The following LRCH4 variants were observed in gnomAD, a reference collection of about 807,000 sequenced individuals.
The protein encoded by LRCH4 is leucine-rich repeat and calponin homology domain-containing protein 4.
In LRCH4, 56 loss-of-function variants were observed where a neutral mutation model predicts 81.2. That is an observed-to-expected ratio of 0.69 (90% CI 0.56 to 0.86). The LOEUF (loss-of-function observed/expected upper bound fraction) is 0.86. Among genes scored for constraint, LRCH4 ranks in the 40% least tolerant of loss-of-function variants. The pLI, the probability that LRCH4 is intolerant of heterozygous loss-of-function variation, is 0.00. For missense variants in LRCH4, 895 were observed against 922.8 expected (o/e 0.97, Z 0.39); for synonymous variants, 442 against 409.7 (o/e 1.08, Z -0.95).
In LRCH4 at chr7:100,578,713, G is replaced by C; in HGVS notation, c.672C>G (p.Cys224Trp). 2 of 1,614,190 alleles carry C rather than the reference G, an allele frequency of 1.2e-6. No individual in the cohort carries two copies. Among genetic ancestry groups the C allele is most frequent in the South Asian group, 2.2e-5 (2 of 91,088 alleles). ...GAATGACCTGCAGGTGCCTCAGGCG[G>C]CAGAAGGAGACTGGGATTCGGGAGA... is the stretch of plus-strand genomic sequence containing the variant. ...NRVSRIPVSF[C>W]RLRHLQVILL... The change falls in exon 5 of 18, where the codon TGC (cysteine) becomes TGG (tryptophan). Residue 224 changes from cysteine (C) to tryptophan (W), a missense_variant. Cys to Trp is a radical substitution (Grantham distance 215). Around this residue, in one of 3 missense-constraint regions of LRCH4, gnomAD observed 360 missense variants for 397.0 expected, o/e 0.91. Coordinates refer to ENST00000310300, the MANE Select transcript of LRCH4 (RefSeq NM_002319.5). The surrounding 1 kb of genome is among the most constrained non-coding windows in gnomAD (Gnocchi z 5.7).
At position 100,577,323 on chromosome 7, in the gene LRCH4, T is replaced by G; in HGVS notation, c.1245A>C (p.Glu415Asp). 6.3e-7 allele frequency: 1 copy of G among 1,598,390 alleles called. No individual in the cohort carries two copies. The highest frequency in any genetic ancestry group is 8.5e-7 in the Non-Finnish European group (1 of 1,178,778). ...CCCCGCTCTGCTGCTGCTGCCGCCG[T>G]TCCCGCTCCTGCCACAGCTGCAAGG... Reference protein sequence around the residue: ...PDTLQLWQERERRQQQQSGAW... With the variant: ...PDTLQLWQERDRRQQQQSGAW... The change falls in exon 11 of 18, where the codon GAA becomes GAC. Residue 415 changes from glutamate (E) to aspartate (D), a missense_variant. This residue lies in a region of LRCH4 where 529 missense variants were observed against 504.9 expected (regional missense o/e 1.05). Transcript: ENST00000310300. The surrounding 1 kb of genome is among the most constrained non-coding windows in gnomAD (Gnocchi z 6.7).
Position 100,577,314 on chromosome 7 carries a change from C to T in LRCH4, c.1254G>A (p.Gln418=). 6.3e-7 allele frequency: 1 copy of T among 1,596,820 alleles called. No homozygotes were observed. The highest frequency in any genetic ancestry group is 8.5e-7 in the Non-Finnish European group (1 of 1,178,028). The change falls in exon 11 of 18, where the codon CAG becomes CAA. Residue 418 remains glutamine (Q), a synonymous_variant. Transcript: ENST00000310300. This position sits in a 1 kb window ranked among gnomAD's most constrained non-coding sequence, Gnocchi z 6.7. ...LQLWQERERR[Q]QQQSGAWGAP... ...CCCCCCACGCCCCGCTCTGCTGCTG[C>T]TGCCGCCGTTCCCGCTCCTGCCACA... is the stretch of plus-strand genomic sequence containing the variant.
intron 1 of LRCH4, 134 bp downstream of exon 1, chr7:100,585,747 T>C (rs2131241440): frequency 1.1e-6 from 1 of 903,854 alleles, no homozygotes; most frequent in East Asian, 3.1e-5. Context: ...GGCTGCAGGT[T>C]TAGGGCAATC....
At chr7:100,576,030 A>G (rs747474694) in intron 15 of LRCH4, 22 bp from the exon 16 acceptor site, 10 of 1,591,146 alleles carry the variant, frequency 6.3e-6, no homozygotes, top group South Asian at 1.1e-5. Context: ...GACCACATAG[A>G]GCAGGGGTCA....
chr7:100,578,806 GA>G lies in LRCH4; in HGVS notation c.599-21del, dbSNP rs1351479674. On this transcript the variant is annotated intron_variant, in intron 4 of 17. Transcript: ENST00000310300. This position sits in a 1 kb window ranked among gnomAD's most constrained non-coding sequence, Gnocchi z 5.7. ...CCAGCTCTGGAACAGGTGGGCAAGGGAAAAGTCAGGAACATGCTCAGGGCTG... is the reference window on the plus strand; with the variant it reads ...CCAGCTCTGGAACAGGTGGGCAAGGGAAAGTCAGGAACATGCTCAGGGCTG... 1 of 1,610,320 alleles carries G rather than the reference GA, an allele frequency of 6.2e-7. No individual in the cohort carries two copies. Among genetic ancestry groups the G allele is most frequent in the South Asian group, 1.1e-5 (1 of 90,708 alleles).
rs1271423046 is a variant in LRCH4, at chr7:100,582,252, A to G, written c.365+63T>C. On this transcript the variant is annotated intron_variant, in intron 2 of 17. Transcript: ENST00000310300. The surrounding 1 kb of genome is among the most constrained non-coding windows in gnomAD (Gnocchi z 5.0). ...TCCTCTCGGGGTCACTGGGTGGGTCACTCAGTAGTACTTGAGACTGAGAAG... is the reference window on the plus strand; with the variant it reads ...TCCTCTCGGGGTCACTGGGTGGGTCGCTCAGTAGTACTTGAGACTGAGAAG... 77 of 1,613,236 alleles carry G rather than the reference A, an allele frequency of 4.8e-5. No homozygotes were observed. The highest frequency in any genetic ancestry group is 6.4e-5 in the Non-Finnish European group (75 of 1,179,726).
rs753391858 is a variant in LRCH4 at position 100,575,792 on chromosome 7, G to A, written c.1777-10C>T. On this transcript the variant is annotated splice_polypyrimidine_tract_variant and intron_variant, in intron 16 of 17. Coordinates refer to ENST00000310300, the MANE Select transcript of LRCH4 (RefSeq NM_002319.5). The surrounding 1 kb of genome is among the most constrained non-coding windows in gnomAD (Gnocchi z 5.3). ...GGGCACTGAGTTTTGGCTGGGGTGGGTGAAAGAAGAAAATGTGGTAAGGGA... is the reference window on the plus strand; with the variant it reads ...GGGCACTGAGTTTTGGCTGGGGTGGATGAAAGAAGAAAATGTGGTAAGGGA... 10 of 1,607,556 alleles carry A rather than the reference G, an allele frequency of 6.2e-6. No homozygotes were observed. The highest frequency in any genetic ancestry group is 7.7e-6 in the Non-Finnish European group (9 of 1,175,078).
Position 100,577,044 on chromosome 7 carries a change from A to G in LRCH4, c.1365-39T>C, listed in dbSNP as rs1385422369. 5.6e-6 allele frequency: 9 copies of G among 1,614,038 alleles called. No individual in the cohort carries two copies. The South Asian group carries it at 8.8e-5, about 16-fold the overall frequency. ...GAAGGGAATTAGAGGGATGATGGTC[A>G]TAGGAAGAGGAGTGGGGAGGGGATG... On this transcript the variant is annotated intron_variant, in intron 12 of 17. Transcript: ENST00000310300. The surrounding 1 kb of genome is among the most constrained non-coding windows in gnomAD (Gnocchi z 6.7).
chr7:100,581,645 G>A, intron 4 of LRCH4, 132 bp downstream of exon 4: 1 of 742,054 alleles, frequency 1.3e-6, no homozygotes, highest in South Asian at 1.9e-5. Context: ...CTGAACTTCA[G>A]CTTCCAGAAC....
In LRCH4 at chr7:100,582,479, G is replaced by A. The variant is rs1317776223; in HGVS notation, c.221-20C>T. 1.2e-5 allele frequency: 19 copies of A among 1,600,264 alleles called. No individual in the cohort carries two copies. The highest frequency in any genetic ancestry group is 2.2e-5 in the East Asian group (1 of 44,826). The stretch of plus-strand genomic sequence containing the variant: ...ACAGGTCTGGGGAAAAGGAGGTGTC[G>A]GGGAGAGTTGCGGAAAGGCCCAGCC... On this transcript the variant is annotated intron_variant, in intron 1 of 17. Coordinates refer to ENST00000310300, the MANE Select transcript of LRCH4 (RefSeq NM_002319.5). The surrounding 1 kb of genome is among the most constrained non-coding windows in gnomAD (Gnocchi z 5.0).
At chr7:100,580,366 C>T (rs1024146448) in intron 4 of LRCH4, 3 of 151,744 alleles carry the variant, frequency 2.0e-5, no homozygotes, top group South Asian at 2.1e-4. Flanking sequence ...TCACATCACC[C>T]GCATCTACCT....
At position 100,574,632 on chromosome 7, in the gene LRCH4, G is replaced by GCA. The variant is rs1554348415; in HGVS notation, c.*473_*474dup. The GCA allele has an allele frequency of 8.5e-3, 1,291 of 152,104 alleles. 9 individuals are homozygous for GCA. The highest frequency in any genetic ancestry group is 0.019 in the South Asian group (98 of 5,084). The allele number at this position is 152,104 out of a possible 1,614,324, so 9.4% of individuals were successfully genotyped here. On this transcript the variant is annotated 3_prime_UTR_variant, in exon 18 of 18. Coordinates refer to ENST00000310300, the MANE Select transcript of LRCH4 (RefSeq NM_002319.5). ...ACGCGGAGCAGACGCGCGCGCGCGC[G>GCA]CACACACACACACACAGGCAGGGCG...
At chr7:100,576,419 C>A in intron 14 of LRCH4, 96 bp from the exon 15 acceptor site, 1 of 836,442 alleles carries the variant, frequency 1.2e-6, no homozygotes, top group Non-Finnish European at 1.9e-6. Flanking sequence ...TCCTGCCTCT[C>A]TGCTTGTGGG....
In LRCH4 at chr7:100,576,675, G is replaced by A. The variant is rs1801370814; in HGVS notation, c.1552+19C>T. On this transcript the variant is annotated intron_variant, in intron 14 of 17. Coordinates refer to ENST00000310300, the MANE Select transcript of LRCH4 (RefSeq NM_002319.5). ...GCTGGCAAGCACTGGGTCAGCACTG[G>A]GGAGGGCAGGACACCCACCTGAGCC... 1.9e-6 allele frequency: 3 copies of A among 1,573,984 alleles called. No individual in the cohort carries two copies. The highest frequency in any genetic ancestry group is 1.2e-5 in the South Asian group (1 of 86,128).
rs1801434616 is a variant in LRCH4 at position 100,578,323 on chromosome 7, G to C, written c.849-65C>G. 3 of 1,597,188 alleles carry C rather than the reference G, an allele frequency of 1.9e-6. No individual in the cohort carries two copies. In the South Asian group the frequency reaches 3.3e-5, roughly 18 times the overall value. ...ACAACAGCCCCCCATCCTCCTGCCA[G>C]AAAGCAGGGGGTGCCTGGGGCCGGG... On this transcript the variant is annotated intron_variant, in intron 6 of 17. Transcript: ENST00000310300. The surrounding 1 kb of genome is among the most constrained non-coding windows in gnomAD (Gnocchi z 5.7).
chr7:100,585,868 C>T lies in LRCH4; in HGVS notation c.220+13G>A. ...GAGGGACCCGGTTGGGCCCGGGGCC[C>T]GGCTGCACTCACCAGCCTGGGTGAT... On this transcript the variant is annotated intron_variant, in intron 1 of 17. Transcript: ENST00000310300. 2 of 1,582,918 alleles carry T rather than the reference C, an allele frequency of 1.3e-6. No individual in the cohort carries two copies. The highest frequency in any genetic ancestry group is 1.7e-6 in the Non-Finnish European group (2 of 1,161,452).
rs1801295864 is a variant in LRCH4 at position 100,574,928 on chromosome 7, G to C, written c.*179C>G. On this transcript the variant is annotated 3_prime_UTR_variant, in exon 18 of 18. Transcript: ENST00000310300. ...TCGTGGGGCTACTGGAGGGAGGCCAGAGGCTGGGGGCCCAGGGTCTGGGGG... is the reference window on the plus strand; with the variant it reads ...TCGTGGGGCTACTGGAGGGAGGCCACAGGCTGGGGGCCCAGGGTCTGGGGG... The C allele has an allele frequency of 1.6e-6, 1 of 609,662 alleles. No homozygotes were observed. Among genetic ancestry groups the C allele is most frequent in the Non-Finnish European group, 2.8e-6 (1 of 351,474 alleles). 37.8% of individuals were successfully genotyped at this position (609,662 alleles called of 1,614,324 possible).
rs1801423269 is a variant in LRCH4, at chr7:100,577,856, G to A, written c.1005C>T (p.Pro335=). 3 of 1,613,216 alleles carry A rather than the reference G, an allele frequency of 1.9e-6. No individual in the cohort carries two copies. The highest frequency in any genetic ancestry group is 2.5e-6 in the Non-Finnish European group (3 of 1,179,288). ...CCTCCTTGCGTTCTCTGGGTCCCCG[G>A]GGCTCCCGGGCCAGCTCTGAGATCC... The part of the protein sequence containing the change: ...SFRISELARE[P]RGPRERKEDG... The change falls in exon 8 of 18, where the codon CCC becomes CCT. Residue 335 remains proline (P), a synonymous_variant. Transcript: ENST00000310300. The surrounding 1 kb of genome is among the most constrained non-coding windows in gnomAD (Gnocchi z 6.7).
chr7:100,585,848 A>G (rs1447002679), intron 1 of LRCH4, 33 bp downstream of exon 1: 1 of 1,525,888 alleles, frequency 6.6e-7, no homozygotes, highest in East Asian at 2.5e-5. Flanking sequence ...CAAATGAGGG[A>G]CCCGGTTGGG....
Sources: gnomAD v4.1 joint callset for allele counts on GRCh38, gnomAD v4.1.1 for gene constraint, gnomAD v4.1.1 regional missense constraint, Gnocchi (gnomAD v3.1) non-coding constraint, MANE v1.5 for transcripts, NCBI Gene and HGNC (gene_info 2026-07-23, HGNC 2026-07-21) for gene names.